SLIT1: variants seen among roughly 807,000 people sequenced by gnomAD.
The protein encoded by SLIT1 is slit guidance ligand 1, also known as slit homolog 1 protein.
Under a neutral mutation model 186.1 loss-of-function variants are expected in SLIT1, and 66 were observed. That is an observed-to-expected ratio of 0.35 (90% CI 0.29 to 0.44). The LOEUF is 0.44. SLIT1 is among the 20% of genes least tolerant of loss of function. The pLI is 1.00. For synonymous variants in SLIT1, 761 were observed against 833.8 expected, an observed-to-expected ratio of 0.91 and a Z score of 1.50; for missense variants, 1,638 against 2,037.4, an observed-to-expected ratio of 0.80 and a Z score of 3.77.
At chr10:97,055,335 G>A (rs1252498383) in intron 13 of SLIT1, among the ~76,000 whole-genome samples, 1 of 152,184 alleles carries the variant, frequency 6.6e-6, no homozygotes, top group Non-Finnish European at 1.5e-5. Flanking sequence ...GAAGCTGGGT[G>A]ATGAAAACTT....
At chr10:97,115,399 A>T (rs900957734) in intron 4 of SLIT1, among the ~76,000 whole-genome samples, 4 of 152,036 alleles carry the variant, frequency 2.6e-5, no homozygotes, top group Admixed American at 2.0e-4. Flanking sequence ...ATGCTTTCAA[A>T]TCCTCTCAGC....
chr10:97,003,001 G>A lies in SLIT1; in HGVS notation c.3866-9C>T. Reference sequence around the variant, plus strand: ...GACATCCACGGGCATCCCTGGGGTAGGGGAGGGAGCAGAGCTGGGCTGAGT... The same window carrying A: ...GACATCCACGGGCATCCCTGGGGTAAGGGAGGGAGCAGAGCTGGGCTGAGT... On this transcript the variant is annotated splice_polypyrimidine_tract_variant and intron_variant, in intron 34 of 36. Coordinates refer to ENST00000266058, the MANE Select transcript of SLIT1 (RefSeq NM_003061.3). 2.5e-6 allele frequency: 4 copies of A among 1,611,406 alleles called. No homozygotes were observed. Among genetic ancestry groups the A allele is most frequent in the Non-Finnish European group, 3.4e-6 (4 of 1,178,294 alleles).
At chr10:97,181,869 C>T (rs181020017) in intron 1 of SLIT1, among the ~76,000 whole-genome samples, 94 of 152,250 alleles carry the variant, frequency 6.2e-4, no homozygotes, top group Non-Finnish European at 2.2e-4. Context: ...GGGGAACCAG[C>T]GATGTCCACA....
At chr10:97,023,982 G>A (rs2134603340) in intron 25 of SLIT1, among the ~76,000 whole-genome samples, 1 of 151,994 alleles carries the variant, frequency 6.6e-6, no homozygotes, top group African/African-American at 2.4e-5. Context: ...AGGAAGGAAA[G>A]GAGGGAGGGA....
At chr10:97,076,484 T>A (rs1849046778) in intron 4 of SLIT1, among the ~76,000 whole-genome samples, 1 of 152,088 alleles carries the variant, frequency 6.6e-6, no homozygotes, top group Non-Finnish European at 1.5e-5. Context: ...ATCCTATGCC[T>A]CCCACGTAGA....
At chr10:97,054,303 C>A (rs1848818629) in intron 13 of SLIT1, among the ~76,000 whole-genome samples, 1 of 151,932 alleles carries the variant, frequency 6.6e-6, no homozygotes, top group African/African-American at 2.4e-5. Context: ...GACGTGCCTA[C>A]CCTTGCTTCG....
intron 1 of SLIT1, among the ~76,000 whole-genome samples, chr10:97,182,444 G>T (rs907674845): frequency 6.6e-6 from 1 of 152,234 alleles, no homozygotes; most frequent in Non-Finnish European, 1.5e-5. Flanking sequence ...GAGAGCATTT[G>T]CCACAGTTAT....
chr10:97,058,296 G>C (rs1289492040), intron 11 of SLIT1, among the ~76,000 whole-genome samples: 3 of 152,184 alleles, frequency 2.0e-5, no homozygotes, highest in African/African-American at 7.2e-5. Context: ...ACTGTTGATG[G>C]GGTGTACTGG....
chr10:97,141,743 TATCGTATCGTATCGTATC>T (rs1564686519), intron 4 of SLIT1, among the ~76,000 whole-genome samples: 1 of 148,886 alleles, frequency 6.7e-6, no homozygotes. Context: ...TATTGTATCG[TATCGTATCGTATCGTATC>T]GTATTGTATC....
intron 15 of SLIT1, 44 bp from the exon 16 acceptor site, chr10:97,047,878 G>A (rs2279507): frequency 0.047 from 76,005 of 1,612,962 alleles, 2,530 homozygotes; most frequent in Middle Eastern, 0.15. Context: ...GCCCGGGGCC[G>A]GCTCCCAGCA....
rs1848704476 is a variant in SLIT1, at chr10:97,043,180, C to T, written c.1998-113G>A. ...CACATGGCCACATGGCACTGTCTCC[C>T]AGACCACCACCCATCACCAAGAGGA... On this transcript the variant is annotated intron_variant, in intron 19 of 36. Transcript: ENST00000266058. The surrounding 1 kb of genome is among the most constrained non-coding windows in gnomAD (Gnocchi z 7.0). 7.4e-7 allele frequency: 1 copy of T among 1,349,662 alleles called. No individual in the cohort carries two copies. The highest frequency in any genetic ancestry group is 2.0e-5 in the Admixed American group (1 of 50,472). The allele number at this position is 1,349,662 out of a possible 1,614,324, so 83.6% of individuals were successfully genotyped here.
At chr10:97,039,231 G>A (rs1054619471) in intron 21 of SLIT1, among the ~76,000 whole-genome samples, 1 of 152,258 alleles carries the variant, frequency 6.6e-6, no homozygotes, top group Non-Finnish European at 1.5e-5. Context: ...GAAGAGGTCA[G>A]AGGTCAGGAG....
At chr10:97,136,442 T>C (rs1217435140) in intron 4 of SLIT1, among the ~76,000 whole-genome samples, 1 of 152,206 alleles carries the variant, frequency 6.6e-6, no homozygotes. Flanking sequence ...AATGTGTCCA[T>C]ATGCTATTAT....
chr10:97,063,375 A>T, intron 8 of SLIT1, 80 bp downstream of exon 8: 1 of 1,492,258 alleles, frequency 6.7e-7, no homozygotes, highest in South Asian at 1.1e-5. Flanking sequence ...CCAGGTATTA[A>T]TGTCGAGATT....
intron 4 of SLIT1, among the ~76,000 whole-genome samples, chr10:97,124,225 C>A (rs935983254): frequency 4.6e-5 from 7 of 152,136 alleles, no homozygotes; most frequent in Admixed American, 4.6e-4. Flanking sequence ...TAGCTCTTGT[C>A]CCTGCACATT....
At chr10:97,003,225 G>A (rs1848328097) in intron 34 of SLIT1, among the ~76,000 whole-genome samples, 1 of 152,228 alleles carries the variant, frequency 6.6e-6, no homozygotes, top group South Asian at 2.1e-4. Flanking sequence ...CAGGCCTGGT[G>A]GTGGCCAGCT....
At chr10:97,064,773 C>A (rs1261834277) in intron 6 of SLIT1, 32 bp downstream of exon 6, 2 of 1,551,466 alleles carry the variant, frequency 1.3e-6, no homozygotes, top group Middle Eastern at 1.9e-4. Context: ...GGGCCCTCCA[C>A]ACCCCTCCTT....
chr10:97,113,565 T>C (rs1469285656), intron 4 of SLIT1, among the ~76,000 whole-genome samples: 1 of 151,300 alleles, frequency 6.6e-6, no homozygotes, highest in Non-Finnish European at 1.5e-5. Flanking sequence ...AGGTTTTTTT[T>C]TTTTTTGACG....
chr10:97,148,469 T>G (rs1247224267), intron 4 of SLIT1, among the ~76,000 whole-genome samples: 1 of 27,872 alleles, frequency 3.6e-5, no homozygotes, highest in East Asian at 1.1e-3. Context: ...TTCTTATTTT[T>G]TGTAGAGCCT....
Sources: gnomAD v4.1 joint callset for allele counts (sites outside exome capture counted in the v4.1 genomes callset) on GRCh38, gnomAD v4.1.1 for gene constraint, Gnocchi (gnomAD v3.1) non-coding constraint, MANE v1.5 for transcripts, NCBI Gene and HGNC (gene_info 2026-07-23, HGNC 2026-07-21) for gene names.